The following CNTN4 variants were observed in gnomAD, a reference collection of about 807,000 sequenced individuals.
The protein encoded by CNTN4 is contactin-4.
In CNTN4, 77 loss-of-function variants were observed where a neutral mutation model predicts 122.5. That is an observed-to-expected ratio of 0.63 (90% CI 0.52 to 0.76). The LOEUF (loss-of-function observed/expected upper bound fraction) is 0.76, where lower values mean the gene tolerates loss of function less well. Ranked by LOEUF, CNTN4 falls within the 30% of genes least tolerant of loss-of-function variation. CNTN4 has a pLI of 0.00. For synonymous variants in CNTN4, 512 were observed against 447.0 expected (o/e 1.15, Z -1.83); for missense variants, 1,256 against 1,259.1 (o/e 1.00, Z 0.04).
chr3:2,313,678 C>T (rs1339429944), intron 2 of CNTN4, among the ~76,000 whole-genome samples: 2 of 151,890 alleles, frequency 1.3e-5, no homozygotes, highest in Non-Finnish European at 2.9e-5. Context: ...GTTTGATATA[C>T]TTTCTTAACC....
chr3:2,432,662 GTATA>G (rs929629235), intron 3 of CNTN4, among the ~76,000 whole-genome samples: 10 of 151,736 alleles, frequency 6.6e-5, no homozygotes, highest in Non-Finnish European at 7.4e-5. Flanking sequence ...ATATGTGTGT[GTATA>G]TATATGTGTG....
intron 3 of CNTN4, among the ~76,000 whole-genome samples, chr3:2,449,359 A>C (rs2048739576): frequency 6.6e-6 from 1 of 152,070 alleles, no homozygotes; most frequent in South Asian, 2.1e-4. Flanking sequence ...TCACACCTGT[A>C]ATCCCAGCAC....
chr3:2,344,480 A>G (rs146644621), intron 3 of CNTN4, among the ~76,000 whole-genome samples: 3,139 of 151,994 alleles, frequency 0.021, 108 homozygotes, highest in African/African-American at 0.072. Flanking sequence ...GGGTTTCACT[A>G]TGTTGGCCAG....
intron 3 of CNTN4, among the ~76,000 whole-genome samples, chr3:2,374,240 A>G (rs1008081470): frequency 2.6e-4 from 40 of 152,128 alleles, no homozygotes; most frequent in African/African-American, 9.2e-4. Context: ...ATACAGAATG[A>G]CCTATCCCTG....
chr3:2,527,418 C>CTGCTGT (rs2077436581), intron 3 of CNTN4, among the ~76,000 whole-genome samples: 1 of 152,226 alleles, frequency 6.6e-6, no homozygotes. Flanking sequence ...TATGCTGCTG[C>CTGCTGT]TGCTGCTGCT....
chr3:2,300,560 CTTTTTTTTTTTTTTT>C (rs575192976), intron 2 of CNTN4, among the ~76,000 whole-genome samples: 71 of 62,020 alleles, frequency 1.1e-3, no homozygotes, highest in African/African-American at 3.6e-3. Flanking sequence ...CAGTGACCGT[CTTTTTTTTTTTTTTT>C]TTTTTTTTTT....
intron 3 of CNTN4, among the ~76,000 whole-genome samples, chr3:2,566,301 T>C (rs1291444643): frequency 8.5e-5 from 13 of 152,246 alleles, no homozygotes; most frequent in Admixed American, 8.5e-4. Flanking sequence ...ACTGGCTCTA[T>C]TGATTTCTAG....
At chr3:2,384,290 C>T (rs1028226769) in intron 3 of CNTN4, among the ~76,000 whole-genome samples, 1 of 152,110 alleles carries the variant, frequency 6.6e-6, no homozygotes, top group Non-Finnish European at 1.5e-5. Flanking sequence ...CTTCTGAGCA[C>T]CTGGAGGGCA....
intron 6 of CNTN4, among the ~76,000 whole-genome samples, chr3:2,778,237 T>G (rs914921788): frequency 7.5e-6 from 1 of 132,480 alleles, no homozygotes; most frequent in Non-Finnish European, 1.7e-5. Context: ...AATAAATAAA[T>G]AAATAAATAA....
intron 3 of CNTN4, among the ~76,000 whole-genome samples, chr3:2,564,377 G>T (rs918303455): frequency 2.0e-5 from 3 of 152,012 alleles, no homozygotes; most frequent in Non-Finnish European, 4.4e-5. Context: ...TTAATACATA[G>T]AATTTAAAAG....
At chr3:2,401,159 A>G (rs935815421) in intron 3 of CNTN4, among the ~76,000 whole-genome samples, 1 of 152,160 alleles carries the variant, frequency 6.6e-6, no homozygotes, top group East Asian at 1.9e-4. Flanking sequence ...GCTTCTTAGT[A>G]GACTTTGCAG....
intron 4 of CNTN4, among the ~76,000 whole-genome samples, chr3:2,731,299 C>T: frequency 6.6e-6 from 1 of 152,102 alleles, no homozygotes; most frequent in Admixed American, 6.5e-5. Flanking sequence ...CTAGTCTTCT[C>T]CCTTCCCTTT....
chr3:2,867,062 A>T (rs1466808540), intron 8 of CNTN4, 113 bp downstream of exon 8: 6 of 910,920 alleles, frequency 6.6e-6, no homozygotes, highest in Non-Finnish European at 1.0e-5. Context: ...ATGTAAGAAA[A>T]GTTTACTGCA....
At chr3:2,471,696 T>C (rs2075690017) in intron 3 of CNTN4, among the ~76,000 whole-genome samples, 2 of 152,204 alleles carry the variant, frequency 1.3e-5, no homozygotes, top group African/African-American at 4.8e-5. Flanking sequence ...AATGAGGTGA[T>C]CATGGCATGT....
chr3:2,813,750 T>C (rs1040238407), intron 6 of CNTN4, among the ~76,000 whole-genome samples: 7 of 152,156 alleles, frequency 4.6e-5, no homozygotes, highest in African/African-American at 1.7e-4. Flanking sequence ...TAGACTATAA[T>C]CAGGTATTTA....
chr3:2,182,164 A>G (rs1000611992), intron 2 of CNTN4, among the ~76,000 whole-genome samples: 2 of 152,098 alleles, frequency 1.3e-5, no homozygotes. Context: ...AGTGGTTCCT[A>G]TTTTGACATC....
At chr3:2,832,359 C>G (rs568702166) in intron 7 of CNTN4, among the ~76,000 whole-genome samples, 1 of 152,142 alleles carries the variant, frequency 6.6e-6, no homozygotes, top group Non-Finnish European at 1.5e-5. Flanking sequence ...GCCTACAGGT[C>G]TGCTAGGGAG....
chr3:2,993,731 C>T lies in CNTN4; in HGVS notation c.1486+5259C>T, dbSNP rs930202104. Among the ~76,000 whole-genome samples, 14 of 152,216 alleles carry T rather than the reference C, an allele frequency of 9.2e-5. No individual in the cohort carries two copies. The East Asian group carries it at 2.7e-3, about 29-fold the overall frequency. On this transcript the variant is annotated intron_variant, in intron 14 of 24. Coordinates refer to ENST00000418658, the MANE Select transcript of CNTN4 (RefSeq NM_175607.3). ...CCTCTCTTTGATAACTTTTTCTCTTCCTCAGATCTTCAAAATTCTGTCCAA... is the reference window on the plus strand; with the variant it reads ...CCTCTCTTTGATAACTTTTTCTCTTTCTCAGATCTTCAAAATTCTGTCCAA...
chr3:2,228,464 C>A (rs776025868), intron 2 of CNTN4, among the ~76,000 whole-genome samples: 20 of 152,068 alleles, frequency 1.3e-4, no homozygotes, highest in Non-Finnish European at 2.8e-4. Flanking sequence ...GTATGGCCTG[C>A]AAGGCTGAAA....
Sources: gnomAD v4.1 joint callset for allele counts (sites outside exome capture counted in the v4.1 genomes callset) on GRCh38, gnomAD v4.1.1 for gene constraint, MANE v1.5 for transcripts, NCBI Gene and HGNC (gene_info 2026-07-23, HGNC 2026-07-21) for gene names.